Variants in ITGAE observed in about 807,000 individuals in gnomAD.
ITGAE encodes integrin alpha-E.
A neutral mutation model predicts 136.5 loss-of-function variants in ITGAE; 99 were observed. That is an observed-to-expected ratio of 0.73 (90% CI 0.62 to 0.86). The LOEUF (loss-of-function observed/expected upper bound fraction) is 0.86. Among genes scored for constraint, ITGAE ranks in the 40% least tolerant of loss-of-function variants. The probability of loss-of-function intolerance (pLI) is 0.00; values close to 1 mark genes in which losing one functional copy is unlikely to be tolerated. For missense variants in ITGAE, 1,447 were observed against 1,515.3 expected (o/e 0.95, Z 0.75); for synonymous variants, 613 against 591.8 (o/e 1.04, Z -0.52).
At chr17:3,771,751 G>A (rs989456975) in intron 2 of ITGAE, among the ~76,000 whole-genome samples, 2 of 152,060 alleles carry the variant, frequency 1.3e-5, no homozygotes, top group African/African-American at 4.8e-5. Context: ...TGGCCAGGCT[G>A]GTCTGGAACT....
At chr17:3,774,091 G>A (rs1421824637) in intron 2 of ITGAE, among the ~76,000 whole-genome samples, 2 of 152,124 alleles carry the variant, frequency 1.3e-5, no homozygotes, top group African/African-American at 4.8e-5. Context: ...GGCTGCTTCG[G>A]GAGCCACCAC....
intron 1 of ITGAE, among the ~76,000 whole-genome samples, chr17:3,797,157 A>ATTT (rs56101818): frequency 2.1e-5 from 2 of 94,436 alleles, no homozygotes; most frequent in Non-Finnish European, 2.1e-5. Context: ...ATATATATAT[A>ATTT]TTTTTTTTTT....
chr17:3,781,603 C>T lies in ITGAE; in HGVS notation c.35-3943G>A, dbSNP rs559127486. 3.9e-5 allele frequency among the ~76,000 whole-genome samples: 6 copies of T among 152,290 alleles called. No individual in the cohort carries two copies. The East Asian group carries it at 9.7e-4, about 25-fold the overall frequency. ...AACTCCTGACCTCAGGTGATCCGCC[C>T]GCCTCAGCCTCCCAAAGTGCTGGGA... On this transcript the variant is annotated intron_variant, in intron 1 of 30. Transcript: ENST00000263087.
intron 26 of ITGAE, 182 bp from the exon 27 acceptor site, chr17:3,723,926 G>A (rs1307686181): frequency 6.5e-7 from 1 of 1,543,372 alleles, no homozygotes; most frequent in Admixed American, 2.0e-5. Context: ...CCTCTTGGCG[G>A]GTGCCGGCCA....
chr17:3,753,987 C>A, intron 12 of ITGAE, 62 bp from the exon 13 acceptor site: 1 of 1,569,998 alleles, frequency 6.4e-7, no homozygotes, highest in East Asian at 2.3e-5. Flanking sequence ...TCTCTCTTGG[C>A]CCCGGCACCT....
chr17:3,743,983 G>A (rs1019493361), intron 18 of ITGAE, among the ~76,000 whole-genome samples: 7 of 150,786 alleles, frequency 4.6e-5, no homozygotes, highest in South Asian at 2.1e-4. Flanking sequence ...GATTATAGGC[G>A]TAAGCCACCG....
intron 3 of ITGAE, among the ~76,000 whole-genome samples, chr17:3,763,067 A>G (rs2052213605): frequency 1.3e-5 from 2 of 151,898 alleles, no homozygotes. Context: ...TGATTTTTGT[A>G]TTTTTGGTAG....
chr17:3,763,364 T>C (rs189063743), intron 3 of ITGAE, among the ~76,000 whole-genome samples: 9 of 152,132 alleles, frequency 5.9e-5, no homozygotes, highest in Admixed American at 3.9e-4. Context: ...GTACCTAATA[T>C]ATGTCAGGCC....
In ITGAE at chr17:3,801,188, C is replaced by G. The variant is rs767360239; in HGVS notation, c.-44G>C. On this transcript the variant is annotated 5_prime_UTR_variant, in exon 1 of 31. Transcript: ENST00000263087. ...GGCTGTGTGGGAGCCGAGGCGAGTG[C>G]GACACATGGGCCGTGGCCCACTCAG... is the stretch of plus-strand genomic sequence containing the variant. 9 of 1,604,126 alleles carry G rather than the reference C, an allele frequency of 5.6e-6. No homozygotes were observed. The highest frequency in any genetic ancestry group is 1.1e-5 in the South Asian group (1 of 91,008).
chr17:3,715,581 A>G (rs978076891), intron 30 of ITGAE, among the ~76,000 whole-genome samples: 4 of 152,308 alleles, frequency 2.6e-5, no homozygotes, highest in African/African-American at 9.6e-5. Context: ...AAGCAAGGTC[A>G]GGTGCTTATG....
intron 1 of ITGAE, among the ~76,000 whole-genome samples, chr17:3,791,535 A>G (rs11078463): frequency 0.83 from 126,801 of 152,094 alleles, 53,929 homozygotes; most frequent in African/African-American, 0.95. Context: ...CACCAGCCTC[A>G]GCCTCCCAAA....
Position 3,723,704 on chromosome 17 carries a change from G to A in ITGAE, c.3125C>T (p.Ala1042Val). The change falls in exon 27 of 31, where the codon GCG (alanine) becomes GTG (valine). Residue 1042 changes from alanine (A) to valine (V), a missense_variant. Ala to Val is a moderately conservative substitution (Grantham distance 64). Coordinates refer to ENST00000263087, the MANE Select transcript of ITGAE (RefSeq NM_002208.5). ...VCTWSQERACAYSSVQHVEEW... is the reference protein window; with the variant it reads ...VCTWSQERACVYSSVQHVEEW... ...CGCGCTTACCTGAACCGAACTGTAC[G>A]CACAAGCGCGCTCCTGACTCCAGGT... 6.2e-7 allele frequency: 1 copy of A among 1,602,254 alleles called. No individual in the cohort carries two copies. Among genetic ancestry groups the A allele is most frequent in the Non-Finnish European group, 8.5e-7 (1 of 1,174,256 alleles).
intron 26 of ITGAE, chr17:3,724,445 C>G (rs573653742): frequency 1.9e-6 from 3 of 1,613,656 alleles, no homozygotes; most frequent in South Asian, 2.2e-5. Flanking sequence ...CCCTGTTCAG[C>G]TCTCTGGCCT....
At chr17:3,761,575 C>G (rs1473687003) in intron 4 of ITGAE, 55 bp from the exon 5 acceptor site, 1 of 1,488,364 alleles carries the variant, frequency 6.7e-7, no homozygotes, top group African/African-American at 1.4e-5. Flanking sequence ...GATTCCCGAG[C>G]CACAGCCACA....
At chr17:3,723,817 G>GC in intron 26 of ITGAE, 73 bp from the exon 27 acceptor site, 1 of 1,571,114 alleles carries the variant, frequency 6.4e-7, no homozygotes, top group Non-Finnish European at 8.6e-7. Context: ...CCCGGCCCCG[G>GC]CCCTGGCGAG....
At chr17:3,747,709 G>A (rs1464428800) in intron 17 of ITGAE, among the ~76,000 whole-genome samples, 3 of 152,044 alleles carry the variant, frequency 2.0e-5, no homozygotes, top group Non-Finnish European at 4.4e-5. Flanking sequence ...TTCTGAGTGT[G>A]GACATAACCT....
chr17:3,744,008 TC>T (rs1296864028), intron 18 of ITGAE, among the ~76,000 whole-genome samples: 1 of 150,924 alleles, frequency 6.6e-6, no homozygotes, highest in Non-Finnish European at 1.5e-5. Flanking sequence ...CGGCCTCTTT[TC>T]TTTTTTTTTT....
rs1202670866 is a variant in ITGAE at position 3,799,191 on chromosome 17, C to G, written c.34+1920G>C. ...CCCCCAAGACTCAACGCCACCTCAC[C>G]TCCTCCAGGAAACTCTCCTGGACTG... On this transcript the variant is annotated intron_variant, in intron 1 of 30. Transcript: ENST00000263087. The surrounding 1 kb of genome is among the most constrained non-coding windows in gnomAD (Gnocchi z 4.1). 6.6e-6 allele frequency among the ~76,000 whole-genome samples: 1 copy of G among 152,172 alleles called. No homozygotes were observed. The highest frequency in any genetic ancestry group is 2.4e-5 in the African/African-American group (1 of 41,442).
At chr17:3,741,856 C>T (rs756183676) in intron 19 of ITGAE, among the ~76,000 whole-genome samples, 2 of 152,166 alleles carry the variant, frequency 1.3e-5, no homozygotes, top group African/African-American at 4.8e-5. Context: ...GAGGGTAGAT[C>T]ACCTGAGGTC....
Sources: gnomAD v4.1 joint callset for allele counts (sites outside exome capture counted in the v4.1 genomes callset) on GRCh38, gnomAD v4.1.1 for gene constraint, Gnocchi (gnomAD v3.1) non-coding constraint, MANE v1.5 for transcripts, NCBI Gene and HGNC (gene_info 2026-07-23, HGNC 2026-07-21) for gene names.